The following ACSL5 variants were observed in gnomAD, a reference collection of about 807,000 sequenced individuals.
ACSL5 encodes the protein acyl-CoA synthetase long chain family member 5.
A neutral mutation model predicts 84.9 loss-of-function variants in ACSL5; 50 were observed. The ratio of observed to expected loss-of-function variants is 0.59; its 90% CI spans 0.47 to 0.75. The LOEUF is 0.75. Among genes scored for constraint, ACSL5 ranks in the 30% least tolerant of loss-of-function variants. The probability of loss-of-function intolerance (pLI) is 0.00; values close to 1 mark genes in which losing one functional copy is unlikely to be tolerated. For synonymous variants in ACSL5, 280 were observed against 300.7 expected (o/e 0.93, Z 0.71); for missense variants, 775 against 830.4 (o/e 0.93, Z 0.82).
chr10:112,423,244 A>ATATATATATATATATATATATATG (rs1844546996), intron 17 of ACSL5, among the ~76,000 whole-genome samples: 1 of 108,572 alleles, frequency 9.2e-6, no homozygotes, highest in Non-Finnish European at 1.9e-5. Flanking sequence ...ATATATATAT[A>ATATATATATATATATATATATATG]GGCTGGAAGT....
intron 3 of ACSL5, among the ~76,000 whole-genome samples, chr10:112,401,855 C>T (rs12570828): frequency 1.3e-3 from 123 of 97,414 alleles, no homozygotes; most frequent in African/African-American, 2.3e-3. Flanking sequence ...TTCCTTCCTT[C>T]CTTTCTTTCT....
intron 7 of ACSL5, 84 bp from the exon 8 acceptor site, chr10:112,410,379 G>T: frequency 1.2e-6 from 2 of 1,602,936 alleles, no homozygotes; most frequent in East Asian, 2.2e-5. Flanking sequence ...ATGTTCTCAC[G>T]GGAAAGGGAG....
intron 3 of ACSL5, among the ~76,000 whole-genome samples, chr10:112,399,359 T>C (rs1405160030): frequency 2.6e-5 from 4 of 152,330 alleles, no homozygotes; most frequent in South Asian, 2.1e-4. Flanking sequence ...TTTAACTCAC[T>C]AGTACCTCAT....
chr10:112,394,479 T>C (rs974828775), intron 1 of ACSL5, among the ~76,000 whole-genome samples: 3 of 152,240 alleles, frequency 2.0e-5, no homozygotes, highest in African/African-American at 7.2e-5. Context: ...GTTTGGTTTA[T>C]ACGGGGGAAT....
chr10:112,420,674 C>T (rs1844434924), intron 14 of ACSL5, among the ~76,000 whole-genome samples: 1 of 152,118 alleles, frequency 6.6e-6, no homozygotes, highest in African/African-American at 2.4e-5. Context: ...GAATAACTTA[C>T]ATGTTCCCAC....
chr10:112,416,600 C>A (rs1844320908), intron 12 of ACSL5, among the ~76,000 whole-genome samples: 2 of 152,016 alleles, frequency 1.3e-5, no homozygotes, highest in Non-Finnish European at 2.9e-5. Context: ...TCTAGTACCC[C>A]CCAGGTGACT....
At chr10:112,394,693 C>G in intron 1 of ACSL5, 1 of 969,286 alleles carries the variant, frequency 1.0e-6, no homozygotes, top group Non-Finnish European at 1.2e-6. Flanking sequence ...TGAGGACAGT[C>G]AAGTAGCAGA....
At chr10:112,423,222 ATATATATATAT>A (rs1335611019) in intron 17 of ACSL5, among the ~76,000 whole-genome samples, 2 of 19,478 alleles carry the variant, frequency 1.0e-4, no homozygotes, top group Non-Finnish European at 1.3e-4. Flanking sequence ...AAAAAAAAAA[ATATATATATAT>A]ATATATATAT....
At chr10:112,376,624 CCTGTGT>C (rs1849245439) in intron 1 of ACSL5, among the ~76,000 whole-genome samples, 1 of 152,000 alleles carries the variant, frequency 6.6e-6, no homozygotes, top group East Asian at 1.9e-4. Flanking sequence ...GCCTTCAGAC[CCTGTGT>C]CAGGAGGAGC....
Position 112,404,570 on chromosome 10 carries a change from A to C in ACSL5, c.325A>C (p.Lys109Gln). ...PNQPYRWLSYKQVSDRAEYLG... is the reference protein window; with the variant it reads ...PNQPYRWLSYQQVSDRAEYLG... Reference sequence around the variant, plus strand: ...CCAGCCCTACAGATGGCTATCTTACAAACAGGTAAGTTGAGTCCATGTTTT... The same window carrying C: ...CCAGCCCTACAGATGGCTATCTTACCAACAGGTAAGTTGAGTCCATGTTTT... Residue 109 changes from lysine to glutamine, a missense_variant, in exon 4 of 21, where the codon AAA becomes CAA. Lys to Gln is a moderately conservative substitution (Grantham distance 53). Coordinates refer to ENST00000354655, the MANE Select transcript of ACSL5 (RefSeq NM_203379.2). 1.2e-6 allele frequency: 2 copies of C among 1,613,080 alleles called. No homozygotes were observed. The highest frequency in any genetic ancestry group is 1.7e-6 in the Non-Finnish European group (2 of 1,179,054).
chr10:112,422,382 C>G lies in ACSL5; in HGVS notation c.1534C>G (p.Gln512Glu), dbSNP rs575864334. The change falls in exon 17 of 21, where the codon CAG (glutamine) becomes GAG (glutamate). Residue 512 changes from glutamine to glutamate, a missense_variant. Transcript: ENST00000354655. ...KGYLKDPEKT[Q>E]EALDSDGWLH... is the part of the protein sequence containing the mutation. ...ATACCTGAAGGACCCTGAGAAGACA[C>G]AGGAAGCCCTGGACAGTGATGGCTG... 20 of 1,614,132 alleles carry G rather than the reference C, an allele frequency of 1.2e-5. No individual in the cohort carries two copies. The South Asian group carries it at 1.9e-4, about 15-fold the overall frequency.
chr10:112,389,972 TAATCC>T (rs1324806740), intron 1 of ACSL5, among the ~76,000 whole-genome samples: 1 of 152,162 alleles, frequency 6.6e-6, no homozygotes. Context: ...CTCACGCCTG[TAATCC>T]CAGCACTTTG....
intron 1 of ACSL5, chr10:112,375,407 G>C (rs1159749595): frequency 4.6e-5 from 7 of 152,098 alleles, no homozygotes; most frequent in Admixed American, 1.3e-4. Context: ...GGCTTCCTTA[G>C]TAGGAAGCTT....
chr10:112,409,560 G>A lies in ACSL5; in HGVS notation c.586G>A (p.Gly196Arg). 1 of 1,614,074 alleles carries A rather than the reference G, an allele frequency of 6.2e-7. No individual in the cohort carries two copies. Among genetic ancestry groups the A allele is most frequent in the East Asian group, 2.2e-5 (1 of 44,882 alleles). ...ACCCCAAAAGGCATTGGTGCTGATA[G>A]GGAATGTAGAGAAAGGCTTCACCCC... is the stretch of plus-strand genomic sequence containing the variant. ...DTPQKALVLIGNVEKGFTPSL... is the reference protein window; with the variant it reads ...DTPQKALVLIRNVEKGFTPSL... Residue 196 changes from glycine (G) to arginine (R), a missense_variant, in exon 7 of 21, where the codon GGG (glycine) becomes AGG (arginine). Gly to Arg is a moderately radical substitution (Grantham distance 125, BLOSUM62 -2). Coordinates refer to ENST00000354655, the MANE Select transcript of ACSL5 (RefSeq NM_203379.2).
intron 10 of ACSL5, 90 bp downstream of exon 10, chr10:112,411,619 C>T: frequency 9.6e-7 from 1 of 1,046,476 alleles, no homozygotes. Flanking sequence ...CAGACACACA[C>T]ACACACATAC....
chr10:112,413,259 C>T lies in ACSL5; in HGVS notation c.1035C>T (p.Pro345=), dbSNP rs1301698869. ...LLADDMKTLK[P]TLFPAVPRLL... is the part of the protein sequence containing the mutation. ...CTGACGACATGAAGACTTTGAAGCC[C>T]ACATTGTTTCCCGCGGTGCCTCGAC... Residue 345 remains proline, a synonymous_variant, in exon 12 of 21, where the codon CCC becomes CCT. Coordinates refer to ENST00000354655, the MANE Select transcript of ACSL5 (RefSeq NM_203379.2). 1.9e-6 allele frequency: 3 copies of T among 1,614,086 alleles called. No homozygotes were observed. Among genetic ancestry groups the T allele is most frequent in the African/African-American group, 1.3e-5 (1 of 74,932 alleles).
rs757020279 is a variant in ACSL5, at chr10:112,376,296, G to T, written c.-30+2027G>T. The T allele has an allele frequency of 1.1e-5, 18 of 1,613,978 alleles. No individual in the cohort carries two copies. The Admixed American group carries it at 2.7e-4, about 24-fold the overall frequency. On this transcript the variant is annotated intron_variant, in intron 1 of 20. Transcript: ENST00000354655. ...GGCAGAACTGGGGACACTCTGGGCC[G>T]GCCTTCTGCCTGCATGGACGCTCTG...
chr10:112,422,071 G>A (rs767009647), intron 16 of ACSL5, 36 bp downstream of exon 16: 23 of 1,603,152 alleles, frequency 1.4e-5, no homozygotes, highest in South Asian at 3.3e-5. Flanking sequence ...GACAGTCATG[G>A]TGGGGAGGTT....
intron 1 of ACSL5, among the ~76,000 whole-genome samples, chr10:112,377,739 C>A (rs1201442567): frequency 6.6e-6 from 1 of 152,026 alleles, no homozygotes; most frequent in Non-Finnish European, 1.5e-5. Context: ...TTATAGCCAT[C>A]TTTTGTGTAT....
Sources: allele counts gnomAD v4.1 joint callset (sites outside exome capture counted in the v4.1 genomes callset), GRCh38; gene constraint gnomAD v4.1.1; transcripts MANE v1.5; gene names NCBI Gene and HGNC (gene_info 2026-07-23, HGNC 2026-07-21).